Variants in CACNA1D observed in about 807,000 individuals in gnomAD.
CACNA1D encodes voltage-dependent L-type calcium channel subunit alpha-1D.
Under a neutral mutation model 257.1 loss-of-function variants are expected in CACNA1D, and 55 were observed. The observed-to-expected ratio is 0.21, with a 90% CI of 0.17 to 0.27. The LOEUF is 0.27. Among genes scored for constraint, CACNA1D ranks in the 10% least tolerant of loss-of-function variants. CACNA1D has a pLI of 1.00. For missense variants in CACNA1D, 1,876 were observed against 2,784.0 expected, an observed-to-expected ratio of 0.67 and a Z score of 7.34; for synonymous variants, 980 against 1,014.9, an observed-to-expected ratio of 0.97 and a Z score of 0.65.
intron 3 of CACNA1D, among the ~76,000 whole-genome samples, chr3:53,511,720 T>C (rs2091120644): frequency 6.6e-6 from 1 of 152,204 alleles, no homozygotes; most frequent in Admixed American, 6.5e-5. Context: ...TAGTTTAACA[T>C]AGCCATTATT....
intron 3 of CACNA1D, among the ~76,000 whole-genome samples, chr3:53,628,393 TG>T (rs569707322): frequency 6.6e-6 from 1 of 152,380 alleles, no homozygotes; most frequent in South Asian, 2.1e-4. Context: ...CTGAGTCTGC[TG>T]TGTGCTTACA....
At chr3:53,730,578 G>T (rs764943755) in intron 16 of CACNA1D, 22 bp downstream of exon 16, 1 of 1,547,654 alleles carries the variant, frequency 6.5e-7, no homozygotes, top group Non-Finnish European at 8.9e-7. Context: ...TTCCCCTGAC[G>T]TGTTTGTCCA....
At chr3:53,534,121 A>G (rs1393896844) in intron 3 of CACNA1D, among the ~76,000 whole-genome samples, 1 of 152,094 alleles carries the variant, frequency 6.6e-6, no homozygotes, top group Non-Finnish European at 1.5e-5. Flanking sequence ...ATACCTCTCG[A>G]CAGTAATTCC....
intron 3 of CACNA1D, among the ~76,000 whole-genome samples, chr3:53,594,765 C>T (rs899451536): frequency 2.6e-5 from 4 of 152,246 alleles, no homozygotes; most frequent in East Asian, 1.9e-4. Flanking sequence ...ACCTTTCTCA[C>T]GTTAGTACAA....
chr3:53,754,523 C>G (rs977669896), intron 29 of CACNA1D, among the ~76,000 whole-genome samples: 1 of 152,206 alleles, frequency 6.6e-6, no homozygotes, highest in Non-Finnish European at 1.5e-5. Context: ...TTCCCATATA[C>G]GCACTGCTTA....
At chr3:53,628,101 C>G (rs1241791190) in intron 3 of CACNA1D, among the ~76,000 whole-genome samples, 2 of 152,186 alleles carry the variant, frequency 1.3e-5, no homozygotes, top group Admixed American at 6.5e-5. Context: ...TCTCTAATAC[C>G]TGGGTAACAG....
intron 3 of CACNA1D, among the ~76,000 whole-genome samples, chr3:53,625,271 G>A (rs1452847134): frequency 1.3e-5 from 2 of 152,218 alleles, no homozygotes; most frequent in African/African-American, 4.8e-5. Flanking sequence ...GCTGATGCTG[G>A]TGGGATGGAC....
chr3:53,808,567 T>G (rs2095579237), intron 45 of CACNA1D, 82 bp from the exon 46 acceptor site: 2 of 1,564,122 alleles, frequency 1.3e-6, no homozygotes, highest in Non-Finnish European at 1.7e-6. Context: ...TTGCTGAGCA[T>G]CCGGGGCCAC....
chr3:53,567,372 C>A (rs945401414), intron 3 of CACNA1D, among the ~76,000 whole-genome samples: 2 of 152,238 alleles, frequency 1.3e-5, no homozygotes, highest in African/African-American at 4.8e-5. Context: ...CATCTCAGCT[C>A]CTGTGCTGTT....
At chr3:53,622,206 A>G (rs1166349216) in intron 3 of CACNA1D, among the ~76,000 whole-genome samples, 2 of 152,174 alleles carry the variant, frequency 1.3e-5, no homozygotes, top group Non-Finnish European at 2.9e-5. Context: ...GTAAGCCACC[A>G]TGCCTAACTA....
At chr3:53,802,297 A>T (rs2095540269) in intron 43 of CACNA1D, 124 bp downstream of exon 43, 2 of 867,632 alleles carry the variant, frequency 2.3e-6, no homozygotes, top group South Asian at 2.7e-5. Context: ...ATCATAATTC[A>T]TGGCTGTGGA....
chr3:53,739,816 G>A lies in CACNA1D; in HGVS notation c.2752-464G>A, dbSNP rs79409929. Among the ~76,000 whole-genome samples the A allele has an allele frequency of 2.3e-3, 350 of 152,342 alleles. 7 individuals carry two copies. The East Asian group carries it at 0.051, about 22-fold the overall frequency. On this transcript the variant is annotated intron_variant, in intron 20 of 47. Transcript: ENST00000350061. The stretch of plus-strand genomic sequence containing the variant: ...GGGGCATATGGAAGCTACTGGCTCC[G>A]ACAGATGCCGCTGCCATCTTCATTT...
intron 3 of CACNA1D, among the ~76,000 whole-genome samples, chr3:53,557,523 G>GTT (rs1376834931): frequency 6.6e-6 from 1 of 152,120 alleles, no homozygotes; most frequent in Non-Finnish European, 1.5e-5. Context: ...AAAGATCTGT[G>GTT]TTCTACTTAG....
intron 3 of CACNA1D, among the ~76,000 whole-genome samples, chr3:53,521,526 A>C (rs969228713): frequency 5.3e-5 from 8 of 152,234 alleles, no homozygotes; most frequent in African/African-American, 1.9e-4. Context: ...TCACAGACCC[A>C]CAAAACCAGG....
At chr3:53,608,737 A>G (rs187720490) in intron 3 of CACNA1D, among the ~76,000 whole-genome samples, 144 of 152,290 alleles carry the variant, frequency 9.5e-4, no homozygotes, top group African/African-American at 3.3e-3. Flanking sequence ...GAATGGTCAT[A>G]TGGTTTTCTT....
rs200926153 is a variant in CACNA1D, at chr3:53,572,374, GTTTATTTATTTATTTA to G, written c.483+70676_483+70691del. 4.2e-5 allele frequency among the ~76,000 whole-genome samples: 6 copies of G among 141,544 alleles called. No individual in the cohort carries two copies. In the East Asian group the frequency reaches 1.0e-3, roughly 24 times the overall value. The allele number at this position is 141,544 out of a possible 152,430, so 92.9% of individuals were successfully genotyped here. A position where few individuals can be genotyped will look rare whatever the true frequency, so the allele number is the denominator to read the frequency against. On this transcript the variant is annotated intron_variant, in intron 3 of 47. Coordinates refer to ENST00000350061, the MANE Select transcript of CACNA1D (RefSeq NM_001128840.3). ...CTGCCTCTGGTTTGTTTGTTTGTTT[GTTTATTTATTTATTTA>G]TTTATTTATTTATTTATTTATGTTT...
chr3:53,707,413 T>C (rs1292422531), intron 9 of CACNA1D, among the ~76,000 whole-genome samples: 1 of 152,136 alleles, frequency 6.6e-6, no homozygotes, highest in Non-Finnish European at 1.5e-5. Context: ...GGCATTCACT[T>C]GAAAGAAGAG....
intron 3 of CACNA1D, among the ~76,000 whole-genome samples, chr3:53,589,971 A>C (rs2093279135): frequency 6.6e-6 from 1 of 152,150 alleles, no homozygotes; most frequent in African/African-American, 2.4e-5. Context: ...CCTGCTCAGC[A>C]TCACCCAGGG....
At chr3:53,555,456 G>GT (rs1334737354) in intron 3 of CACNA1D, among the ~76,000 whole-genome samples, 51 of 116,994 alleles carry the variant, frequency 4.4e-4, no homozygotes, top group African/African-American at 1.7e-3. Flanking sequence ...GTGTGTGTGT[G>GT]TGTGTTTTTT....
Sources: allele counts gnomAD v4.1 joint callset (sites outside exome capture counted in the v4.1 genomes callset), GRCh38; gene constraint gnomAD v4.1.1; transcripts MANE v1.5; gene names NCBI Gene and HGNC (gene_info 2026-07-23, HGNC 2026-07-21).